The following MEGF11 variants were observed in gnomAD, a reference collection of about 807,000 sequenced individuals.
MEGF11 encodes the protein multiple EGF like domains 11, also known as multiple epidermal growth factor-like domains protein 11.
A neutral mutation model predicts 146.6 loss-of-function variants in MEGF11; 126 were observed. The ratio of observed to expected loss-of-function variants is 0.86; its 90% CI spans 0.74 to 1.00. The LOEUF (loss-of-function observed/expected upper bound fraction) is 1.00, where lower values mean the gene tolerates loss of function less well. MEGF11 is among the 50% of genes least tolerant of loss of function. MEGF11 has a pLI of 0.00. For missense variants in MEGF11, 1,509 were observed against 1,521.2 expected (o/e 0.99, Z 0.13); for synonymous variants, 532 against 583.4 (o/e 0.91, Z 1.27).
chr15:65,952,023 A>C (rs936559405), intron 10 of MEGF11, among the ~76,000 whole-genome samples: 1 of 152,166 alleles, frequency 6.6e-6, no homozygotes, highest in African/African-American at 2.4e-5. Context: ...TTTTTTAAAG[A>C]TATTTTGAGA....
At position 65,916,817 on chromosome 15, in the gene MEGF11, G is replaced by A. The variant is rs567242579; in HGVS notation, c.2215+11C>T. On this transcript the variant is annotated intron_variant, in intron 17 of 25. Transcript: ENST00000395614. ...TTCTAAGTGGCTGGGAGGCCAGGAG[G>A]TGGGGCTTACGCTGTGTGCAGAAGA... 1.7e-4 allele frequency: 267 copies of A among 1,611,276 alleles called. 4 individuals are homozygous for A. In the South Asian group the frequency reaches 2.4e-3, roughly 14 times the overall value.
intron 10 of MEGF11, among the ~76,000 whole-genome samples, chr15:65,935,407 G>A (rs981588874): frequency 1.3e-5 from 2 of 150,038 alleles, no homozygotes; most frequent in South Asian, 4.2e-4. Flanking sequence ...AAGGCAGGAG[G>A]GTGAGCAGTC....
chr15:66,031,812 G>A (rs538232873), intron 5 of MEGF11, among the ~76,000 whole-genome samples: 1 of 152,158 alleles, frequency 6.6e-6, no homozygotes, highest in Non-Finnish European at 1.5e-5. Flanking sequence ...TAATCCCTCT[G>A]CCCTCGTGAA....
chr15:66,234,700 T>C (rs1278888624), intron 1 of MEGF11, among the ~76,000 whole-genome samples: 1 of 152,254 alleles, frequency 6.6e-6, no homozygotes, highest in Non-Finnish European at 1.5e-5. Context: ...GGAGCCAGCC[T>C]CTGCCCAAGT....
chr15:66,232,217 T>A (rs1229257619), intron 1 of MEGF11, among the ~76,000 whole-genome samples: 1 of 152,188 alleles, frequency 6.6e-6, no homozygotes, highest in Non-Finnish European at 1.5e-5. Flanking sequence ...CCAGCCTGAA[T>A]GCACCAAGAC....
chr15:65,926,206 T>C (rs963031011), intron 13 of MEGF11, among the ~76,000 whole-genome samples: 1 of 152,246 alleles, frequency 6.6e-6, no homozygotes, highest in Non-Finnish European at 1.5e-5. Context: ...GCTAGTTGAT[T>C]GAATAAATGG....
chr15:66,125,220 G>A (rs1311034481), intron 2 of MEGF11, among the ~76,000 whole-genome samples: 6 of 152,156 alleles, frequency 3.9e-5, no homozygotes, highest in East Asian at 1.9e-4. Flanking sequence ...GAGGGCTCTC[G>A]GTGTGCCCCC....
chr15:66,134,227 C>T (rs1350217653), intron 1 of MEGF11, among the ~76,000 whole-genome samples: 1 of 152,124 alleles, frequency 6.6e-6, no homozygotes, highest in Non-Finnish European at 1.5e-5. Flanking sequence ...GCCTCCCTCC[C>T]ACAACAGGCA....
chr15:65,940,024 C>T (rs1423955916), intron 10 of MEGF11, among the ~76,000 whole-genome samples: 1 of 152,172 alleles, frequency 6.6e-6, no homozygotes, highest in Admixed American at 6.5e-5. Context: ...GTGTCAGACA[C>T]TGTGCGAGGT....
At chr15:65,960,318 C>T (rs974927870) in intron 9 of MEGF11, among the ~76,000 whole-genome samples, 2 of 152,234 alleles carry the variant, frequency 1.3e-5, no homozygotes, top group Admixed American at 6.5e-5. Context: ...AAATATCTAA[C>T]GAAGAAGAAT....
chr15:66,051,844 C>G (rs973720106), intron 5 of MEGF11, among the ~76,000 whole-genome samples: 4 of 152,180 alleles, frequency 2.6e-5, no homozygotes, highest in Admixed American at 2.6e-4. Flanking sequence ...CCAGAGAAAG[C>G]GAGTGCTGTG....
At chr15:66,241,323 A>G (rs1328633913) in intron 1 of MEGF11, among the ~76,000 whole-genome samples, 1 of 152,188 alleles carries the variant, frequency 6.6e-6, no homozygotes, top group Non-Finnish European at 1.5e-5. Context: ...ATCCTGCCCT[A>G]CCCTCCCGGT....
intron 1 of MEGF11, among the ~76,000 whole-genome samples, chr15:66,234,446 G>A (rs1288449328): frequency 2.0e-5 from 3 of 152,226 alleles, no homozygotes; most frequent in Admixed American, 2.0e-4. Context: ...TTGAGTCCAA[G>A]CCCACAGCAT....
chr15:66,226,577 C>T (rs569713543), intron 1 of MEGF11, among the ~76,000 whole-genome samples: 16 of 152,188 alleles, frequency 1.1e-4, no homozygotes, highest in African/African-American at 2.9e-4. Flanking sequence ...GGCCCCAAAG[C>T]GCAACAGTAG....
intron 1 of MEGF11, among the ~76,000 whole-genome samples, chr15:66,164,227 CAGA>C (rs140646296): frequency 0.013 from 1,933 of 152,224 alleles, 37 homozygotes; most frequent in African/African-American, 0.044. Flanking sequence ...GGTCTGATGG[CAGA>C]AGTTCAATGG....
At chr15:66,061,641 C>T (rs1597042001) in intron 5 of MEGF11, among the ~76,000 whole-genome samples, 1 of 143,304 alleles carries the variant, frequency 7.0e-6, no homozygotes. Flanking sequence ...TTTTTTGAGC[C>T]TTTTTTTTTT....
At chr15:66,042,124 T>C (rs1169544819) in intron 5 of MEGF11, among the ~76,000 whole-genome samples, 1 of 141,714 alleles carries the variant, frequency 7.1e-6, no homozygotes, top group African/African-American at 2.7e-5. Flanking sequence ...TTTTTTTTTT[T>C]TCCTGAGACA....
At chr15:65,981,004 T>C in intron 6 of MEGF11, 106 bp from the exon 7 acceptor site, 1 of 1,367,570 alleles carries the variant, frequency 7.3e-7, no homozygotes, top group East Asian at 2.6e-5. Context: ...AATGGATCTG[T>C]ATTAGGCACA....
chr15:65,934,107 A>G (rs1479557913), intron 10 of MEGF11, among the ~76,000 whole-genome samples: 2 of 152,312 alleles, frequency 1.3e-5, no homozygotes, highest in African/African-American at 4.8e-5. Flanking sequence ...GGAGGACGGA[A>G]TGACCACTCC....
Sources: allele counts gnomAD v4.1 joint callset (sites outside exome capture counted in the v4.1 genomes callset), GRCh38; gene constraint gnomAD v4.1.1; transcripts MANE v1.5; gene names NCBI Gene and HGNC (gene_info 2026-07-23, HGNC 2026-07-21).